The following IGFLR1 variants were observed in gnomAD, a reference collection of about 807,000 sequenced individuals.
IGFLR1 encodes IGF-like family receptor 1.
In IGFLR1, 17 loss-of-function variants were observed where a neutral mutation model predicts 23.4. That is an observed-to-expected ratio of 0.73 (90% CI 0.50 to 1.09). IGFLR1 has a LOEUF of 1.09. Ranked by LOEUF, IGFLR1 falls within the 50% of genes least tolerant of loss-of-function variation. The pLI is 0.00. For synonymous variants in IGFLR1, 265 were observed against 210.7 expected (o/e 1.26, Z -2.23); for missense variants, 556 against 459.2 (o/e 1.21, Z -1.93).
Position 35,739,825 on chromosome 19 carries a change from C to G in IGFLR1, c.606G>C (p.Leu202Phe), listed in dbSNP as rs758358486. The G allele has an allele frequency of 3.7e-6, 6 of 1,605,442 alleles. No individual in the cohort carries two copies. The Admixed American group carries it at 6.7e-5, about 18-fold the overall frequency. ...EKADPYPYPG[L>F]VCGVPNTHTP... is the part of the protein sequence containing the mutation. ...TGTGGGTGTTGGGGACTCCGCAGAC[C>G]AAGCCAGGATAGGGATAGGGGTCGG... is the stretch of plus-strand genomic sequence containing the variant. The change falls in exon 4 of 5, where the codon TTG becomes TTC. Residue 202 changes from leucine (L) to phenylalanine (F), a missense_variant. Coordinates refer to ENST00000246532, the MANE Select transcript of IGFLR1 (RefSeq NM_024660.4).
Position 35,739,373 on chromosome 19 carries a change from C to T in IGFLR1, c.975G>A (p.Leu325=). 1 of 1,612,892 alleles carries T rather than the reference C, an allele frequency of 6.2e-7. No individual in the cohort carries two copies. The highest frequency in any genetic ancestry group is 8.5e-7 in the Non-Finnish European group (1 of 1,179,704). ...MVVAREPSAS[L]GQLGTHLAQL... ...GGGCGAGGTGTGTGCCAAGCTGGCC[C>T]AGGGAGGCAGAGGGCTCCCTTGCCA... Residue 325 remains leucine, a synonymous_variant, in exon 5 of 5, where the codon CTG becomes CTA. Transcript: ENST00000246532.
chr19:35,739,204 A>T lies in IGFLR1; in HGVS notation c.*76T>A. On this transcript the variant is annotated 3_prime_UTR_variant, in exon 5 of 5. Transcript: ENST00000246532. ...CTATCTGTTGGGTCTTTGCCCAATTAGGATTGTACTTCAAGAAGTACTTCA... is the reference window on the plus strand; with the variant it reads ...CTATCTGTTGGGTCTTTGCCCAATTTGGATTGTACTTCAAGAAGTACTTCA... 7.5e-7 allele frequency: 1 copy of T among 1,325,570 alleles called. No individual in the cohort carries two copies. Among genetic ancestry groups the T allele is most frequent in the Non-Finnish European group, 1.0e-6 (1 of 978,080 alleles). The allele number at this position is 1,325,570 out of a possible 1,614,324, so 82.1% of individuals were successfully genotyped here.
In IGFLR1 at chr19:35,739,460, G is replaced by A. The variant is rs779144036; in HGVS notation, c.888C>T (p.Ser296=). ...AARYGLPAAW[S]TFAYSLRPSR... ...TCGGCCTCAGCGAATAGGCAAAGGT[G>A]GACCAGGCAGCAGGCAGCCCATATC... Residue 296 remains serine, a synonymous_variant, in exon 5 of 5, where the codon TCC becomes TCT. Transcript: ENST00000246532. The A allele has an allele frequency of 1.9e-6, 3 of 1,613,878 alleles. No homozygotes were observed. Among genetic ancestry groups the A allele is most frequent in the African/African-American group, 1.3e-5 (1 of 74,938 alleles).
In IGFLR1 at chr19:35,739,463, C is replaced by A; in HGVS notation, c.885G>T (p.Trp295Cys). Residue 295 changes from tryptophan (W) to cysteine (C), a missense_variant, in exon 5 of 5, where the codon TGG becomes TGT. Trp to Cys is a radical substitution (Grantham distance 215). Transcript: ENST00000246532. Reference sequence around the variant, plus strand: ...GCCTCAGCGAATAGGCAAAGGTGGACCAGGCAGCAGGCAGCCCATATCTTG... The same window carrying A: ...GCCTCAGCGAATAGGCAAAGGTGGAACAGGCAGCAGGCAGCCCATATCTTG... ...LAARYGLPAA[W>C]STFAYSLRPS... The A allele has an allele frequency of 6.2e-7, 1 of 1,613,952 alleles. No individual in the cohort carries two copies. The highest frequency in any genetic ancestry group is 8.5e-7 in the Non-Finnish European group (1 of 1,179,982).
At chr19:35,740,303 T>C (rs1487533312) in intron 3 of IGFLR1, 77 bp downstream of exon 3, 4 of 1,432,622 alleles carry the variant, frequency 2.8e-6, no homozygotes, top group Non-Finnish European at 3.7e-6. Context: ...ACCCCTTACG[T>C]GGGGCTACGC....
Position 35,740,371 on chromosome 19 carries a change from C to A in IGFLR1, c.342+9G>T. The A allele has an allele frequency of 6.3e-7, 1 of 1,576,672 alleles. No homozygotes were observed. ...CACGCCCTTGCCCTGCCGGGAGTCC[C>A]ATCTGCACCTCTCTGCAGCGCCACG... On this transcript the variant is annotated intron_variant, in intron 3 of 4. Coordinates refer to ENST00000246532, the MANE Select transcript of IGFLR1 (RefSeq NM_024660.4).
chr19:35,739,650 G>A, intron 4 of IGFLR1, 24 bp from the exon 5 acceptor site: 2 of 1,591,860 alleles, frequency 1.3e-6, no homozygotes, highest in Non-Finnish European at 1.7e-6. Context: ...GAAGGGTAAA[G>A]GTGCGGAAGA....
chr19:35,741,133 C>T lies in IGFLR1; in HGVS notation c.48G>A (p.Leu16=). The change falls in exon 2 of 5, where the codon CTG becomes CTA. Residue 16 remains leucine, a synonymous_variant. Coordinates refer to ENST00000246532, the MANE Select transcript of IGFLR1 (RefSeq NM_024660.4). ...ACTGGGAGGCTTCCGGCGGTGGCGC[C>T]AGGGCCAGAAGCAACAAGGCCGTCA... The part of the protein sequence containing the change: ...CLLTALLLLA[L]APPPEASQYC... 1 of 1,601,542 alleles carries T rather than the reference C, an allele frequency of 6.2e-7. No individual in the cohort carries two copies.
Position 35,740,087 on chromosome 19 carries a change from C to G in IGFLR1, c.344G>C (p.Arg115Thr), listed in dbSNP as rs757371388. Residue 115 changes from arginine to threonine, a missense_variant and splice_region_variant, in exon 4 of 5, where the codon AGG (arginine) becomes ACG (threonine). Physicochemically the swap from Arg to Thr is moderately conservative, Grantham distance 71. Coordinates refer to ENST00000246532, the MANE Select transcript of IGFLR1 (RefSeq NM_024660.4). ...GGRTPWRCRE[R>T]PVPAKGHCPL... Reference sequence around the variant, plus strand: ...GCAGTGCCCCTTGGCAGGGACCGGCCTCTGGGGATAAGGGGTTGGAGTAAA... The same window carrying G: ...GCAGTGCCCCTTGGCAGGGACCGGCGTCTGGGGATAAGGGGTTGGAGTAAA... 1 of 1,609,896 alleles carries G rather than the reference C, an allele frequency of 6.2e-7. No individual in the cohort carries two copies. The highest frequency in any genetic ancestry group is 8.5e-7 in the Non-Finnish European group (1 of 1,178,800).
intron 4 of IGFLR1, 24 bp downstream of exon 4, chr19:35,739,686 C>A (rs1256088158): frequency 6.4e-7 from 1 of 1,561,380 alleles, no homozygotes; most frequent in South Asian, 1.2e-5. Context: ...ACCTTCCCTG[C>A]CCCGGGGCTC....
In IGFLR1 at chr19:35,739,912, C is replaced by A. The variant is rs755229649; in HGVS notation, c.519G>T (p.Leu173Phe). 2.5e-6 allele frequency: 4 copies of A among 1,614,178 alleles called. No individual in the cohort carries two copies. The South Asian group carries it at 4.4e-5, about 18-fold the overall frequency. ...TAAACAGGAGGATCGCTATCACCGC[C>A]AAGGTCAGGAGCAGGACCAGCACCA... ...PLVVLVLLLT[L>F]AVIAILLFIL... The change falls in exon 4 of 5, where the codon TTG becomes TTT. Residue 173 changes from leucine (L) to phenylalanine (F), a missense_variant. Coordinates refer to ENST00000246532, the MANE Select transcript of IGFLR1 (RefSeq NM_024660.4).
Position 35,739,525 on chromosome 19 carries a change from C to G in IGFLR1, c.823G>C (p.Gly275Arg), listed in dbSNP as rs368482964. 3 of 1,614,096 alleles carry G rather than the reference C, an allele frequency of 1.9e-6. No homozygotes were observed. The highest frequency in any genetic ancestry group is 2.5e-6 in the Non-Finnish European group (3 of 1,180,030). The change falls in exon 5 of 5, where the codon GGG (glycine) becomes CGG (arginine). Residue 275 changes from glycine (G) to arginine (R), a missense_variant. Transcript: ENST00000246532. Reference protein sequence around the residue: ...VLLDPEPGPGGGMAHGTTRHL... With the variant: ...VLLDPEPGPGRGMAHGTTRHL... Reference sequence around the variant, plus strand: ...CGAGTAGTGCCATGGGCCATACCCCCACCTGGCCCAGGCTCAGGGTCCAGC... The same window carrying G: ...CGAGTAGTGCCATGGGCCATACCCCGACCTGGCCCAGGCTCAGGGTCCAGC...
Position 35,739,424 on chromosome 19 carries a change from C to G in IGFLR1, c.924G>C (p.Pro308=). 1 of 1,613,836 alleles carries G rather than the reference C, an allele frequency of 6.2e-7. No homozygotes were observed. Among genetic ancestry groups the G allele is most frequent in the East Asian group, 2.2e-5 (1 of 44,886 alleles). The change falls in exon 5 of 5, where the codon CCG becomes CCC. Residue 308 remains proline, a synonymous_variant. Transcript: ENST00000246532. The part of the protein sequence containing the change: ...FAYSLRPSRS[P]LRALIEMVVA... ...CCACCATCTCAATCAGAGCCCGCAG[C>G]GGCGAGCGACTCGGCCTCAGCGAAT...
In IGFLR1 at chr19:35,741,160, G is replaced by T; in HGVS notation, c.21C>A (p.Leu7=). Residue 7 remains leucine, a synonymous_variant, in exon 2 of 5, where the codon CTC becomes CTA. Transcript: ENST00000246532. ...GGGCCAGAAGCAACAAGGCCGTCAG[G>T]AGGCATCGTCCAGGCCCCATCTGGG... MGPGRC[L]LTALLLLALA... The T allele has an allele frequency of 6.2e-7, 1 of 1,606,222 alleles. No individual in the cohort carries two copies. Among genetic ancestry groups the T allele is most frequent in the Non-Finnish European group, 8.5e-7 (1 of 1,175,420 alleles).
Position 35,739,876 on chromosome 19 carries a change from C to G in IGFLR1, c.555G>C (p.Trp185Cys). The G allele has an allele frequency of 6.2e-7, 1 of 1,614,028 alleles. No homozygotes were observed. The highest frequency in any genetic ancestry group is 8.5e-7 in the Non-Finnish European group (1 of 1,179,962). ...VIAILLFILL[W>C]HLCWPKEKAD... ...CTTTCTCCTTGGGCCAGCAGAGATG[C>G]CAGAGCAGAATAAACAGGAGGATCG... The change falls in exon 4 of 5, where the codon TGG becomes TGC. Residue 185 changes from tryptophan to cysteine, a missense_variant. By Grantham distance (215) the Trp-to-Cys change is radical. Transcript: ENST00000246532.
chr19:35,740,307 G>A, intron 3 of IGFLR1, 73 bp downstream of exon 3: 2 of 1,442,164 alleles, frequency 1.4e-6, no homozygotes, highest in Non-Finnish European at 1.8e-6. Context: ...CTTACGTGGG[G>A]CTACGCCGGC....
At chr19:35,740,728 C>T (rs1970173381) in intron 2 of IGFLR1, 164 bp from the exon 3 acceptor site, 1 of 705,134 alleles carries the variant, frequency 1.4e-6, no homozygotes, top group Non-Finnish European at 2.3e-6. Context: ...GCCTTTTCAC[C>T]CCCCTCCAGC....
At chr19:35,740,161 A>T in intron 3 of IGFLR1, 73 bp from the exon 4 acceptor site, 3 of 1,479,078 alleles carry the variant, frequency 2.0e-6, no homozygotes, top group Non-Finnish European at 2.7e-6. Context: ...TCCCAACTTT[A>T]TATCCTTTAA....
At chr19:35,740,731 C>G (rs959590112) in intron 2 of IGFLR1, 167 bp from the exon 3 acceptor site, 10 of 707,388 alleles carry the variant, frequency 1.4e-5, no homozygotes, top group Admixed American at 6.2e-5. Context: ...TTTTCACCCC[C>G]CTCCAGCCTG....
Sources: allele counts gnomAD v4.1 joint callset, GRCh38; gene constraint gnomAD v4.1.1; transcripts MANE v1.5; gene names NCBI Gene and HGNC (gene_info 2026-07-23, HGNC 2026-07-21).